The following TTLL5 variants were observed in gnomAD, a reference collection of about 807,000 sequenced individuals.
TTLL5 encodes tubulin polyglutamylase TTLL5.
TTLL5 carries 132 observed loss-of-function variants against 168.4 expected under a neutral mutation model. The observed-to-expected ratio is 0.78, with a 90% CI of 0.68 to 0.91. TTLL5 has a LOEUF of 0.91. TTLL5 is among the 40% of genes least tolerant of loss of function. The pLI, the probability that TTLL5 is intolerant of heterozygous loss-of-function variation, is 0.00. For missense variants in TTLL5, 1,545 were observed against 1,581.5 expected, an observed-to-expected ratio of 0.98 and a Z score of 0.39; for synonymous variants, 546 against 558.6, an observed-to-expected ratio of 0.98 and a Z score of 0.32.
At chr14:75,676,636 T>C (rs1361570587) in intron 3 of TTLL5, among the ~76,000 whole-genome samples, 2 of 152,216 alleles carry the variant, frequency 1.3e-5, no homozygotes, top group Admixed American at 6.5e-5. Flanking sequence ...TTAGGTGATA[T>C]GGATTAGAAG....
chr14:75,806,561 C>T (rs911708276), intron 27 of TTLL5, among the ~76,000 whole-genome samples: 2 of 152,204 alleles, frequency 1.3e-5, no homozygotes, highest in Non-Finnish European at 2.9e-5. Context: ...ATGCTATCTT[C>T]TCATGGAAAA....
At chr14:75,839,433 A>G (rs1051257216) in intron 28 of TTLL5, among the ~76,000 whole-genome samples, 1 of 152,142 alleles carries the variant, frequency 6.6e-6, no homozygotes, top group Non-Finnish European at 1.5e-5. Flanking sequence ...TGCTATGGAG[A>G]AGTACCCGAG....
At chr14:75,946,949 A>G (rs762966863) in intron 31 of TTLL5, among the ~76,000 whole-genome samples, 10 of 152,196 alleles carry the variant, frequency 6.6e-5, no homozygotes, top group Non-Finnish European at 1.5e-4. Flanking sequence ...TGATTGGGAA[A>G]TTCAAGTGGA....
At chr14:75,855,150 G>A (rs199787382) in intron 28 of TTLL5, among the ~76,000 whole-genome samples, 85 of 130,364 alleles carry the variant, frequency 6.5e-4, no homozygotes, top group Middle Eastern at 3.9e-3. Context: ...TATGCTAGAA[G>A]AAAAAAAAAA....
chr14:75,754,227 G>A (rs1452848402), intron 18 of TTLL5, among the ~76,000 whole-genome samples: 9 of 152,048 alleles, frequency 5.9e-5, no homozygotes, highest in Admixed American at 4.6e-4. Context: ...TTTTCGATTA[G>A]TTTTAGTATT....
At chr14:75,859,338 G>A (rs1313113502) in intron 28 of TTLL5, among the ~76,000 whole-genome samples, 1 of 152,306 alleles carries the variant, frequency 6.6e-6, no homozygotes, top group East Asian at 1.9e-4. Flanking sequence ...ATCCTGCAGT[G>A]CCACAGTACA....
intron 28 of TTLL5, among the ~76,000 whole-genome samples, chr14:75,853,852 T>G (rs1897000438): frequency 1.3e-5 from 2 of 152,268 alleles, no homozygotes; most frequent in Admixed American, 1.3e-4. Flanking sequence ...GAGACCAGCC[T>G]GACCAACACA....
chr14:75,708,323 A>G (rs1000501916), intron 9 of TTLL5, among the ~76,000 whole-genome samples: 1 of 151,144 alleles, frequency 6.6e-6, no homozygotes, highest in African/African-American at 2.4e-5. Context: ...GTTACTTTAC[A>G]GTGGTTGTAC....
At chr14:75,811,815 G>A (rs1894059131) in intron 27 of TTLL5, among the ~76,000 whole-genome samples, 1 of 152,126 alleles carries the variant, frequency 6.6e-6, no homozygotes, top group African/African-American at 2.4e-5. Flanking sequence ...TGGATGGTGG[G>A]TATCTTCTAA....
intron 31 of TTLL5, among the ~76,000 whole-genome samples, chr14:75,911,704 G>A (rs539404355): frequency 2.6e-5 from 4 of 152,254 alleles, no homozygotes; most frequent in African/African-American, 7.2e-5. Context: ...TTATGCCTAA[G>A]CTTCAAATTA....
At chr14:75,694,749 A>G (rs1486934596) in intron 6 of TTLL5, among the ~76,000 whole-genome samples, 1 of 152,226 alleles carries the variant, frequency 6.6e-6, no homozygotes, top group East Asian at 1.9e-4. Context: ...TAATACTTTT[A>G]TAATTTCTTA....
At position 75,937,678 on chromosome 14, in the gene TTLL5, C is replaced by T. The variant is rs370299304; in HGVS notation, c.3824-16746C>T. On this transcript the variant is annotated intron_variant, in intron 31 of 31. Transcript: ENST00000298832. Reference sequence around the variant, plus strand: ...GCATAGTGTTCTCCAGGTTCATCTGCGTTGTAACAAGCAGAATTCCCTTTT... The same window carrying T: ...GCATAGTGTTCTCCAGGTTCATCTGTGTTGTAACAAGCAGAATTCCCTTTT... 4.0e-4 allele frequency among the ~76,000 whole-genome samples: 61 copies of T among 152,254 alleles called. No homozygotes were observed. The South Asian group carries it at 0.01, about 25-fold the overall frequency.
chr14:75,922,592 G>T (rs1304584541), intron 31 of TTLL5, among the ~76,000 whole-genome samples: 1 of 152,200 alleles, frequency 6.6e-6, no homozygotes, highest in Non-Finnish European at 1.5e-5. Flanking sequence ...CTTGATCATG[G>T]TGGATAAGCT....
Position 75,699,171 on chromosome 14 carries a change from C to T in TTLL5, c.503-17C>T. ...TCTTTGTTTCCTCTGTTTTTTATCT[C>T]CCAATATTTTGAGCAGATTCATATT... On this transcript the variant is annotated splice_polypyrimidine_tract_variant and intron_variant, in intron 6 of 31. Transcript: ENST00000298832. 1 of 1,603,692 alleles carries T rather than the reference C, an allele frequency of 6.2e-7. No homozygotes were observed.
At chr14:75,822,912 G>A (rs1303078040) in intron 28 of TTLL5, among the ~76,000 whole-genome samples, 2 of 152,170 alleles carry the variant, frequency 1.3e-5, no homozygotes, top group Admixed American at 6.5e-5. Context: ...CTGAGGCCTG[G>A]CCATGTAGCT....
chr14:75,793,251 A>G (rs1222028266), intron 27 of TTLL5, 151 bp downstream of exon 27: 1 of 734,328 alleles, frequency 1.4e-6, no homozygotes, highest in Non-Finnish European at 1.9e-6. Flanking sequence ...TAAATTATCA[A>G]GTTTTTCCTC....
intron 31 of TTLL5, among the ~76,000 whole-genome samples, chr14:75,936,832 C>T (rs1440854747): frequency 6.6e-6 from 1 of 152,136 alleles, no homozygotes; most frequent in Non-Finnish European, 1.5e-5. Flanking sequence ...AAGTGGGGAG[C>T]AATTTCCCAA....
chr14:75,758,789 A>G (rs548483303), intron 18 of TTLL5, among the ~76,000 whole-genome samples: 2 of 152,326 alleles, frequency 1.3e-5, no homozygotes, highest in South Asian at 2.1e-4. Flanking sequence ...TAAATAATCC[A>G]TGGGTAAAAG....
chr14:75,893,337 G>A (rs2032494107), intron 30 of TTLL5, among the ~76,000 whole-genome samples: 1 of 152,120 alleles, frequency 6.6e-6, no homozygotes, highest in Non-Finnish European at 1.5e-5. Context: ...CAAGAAACCA[G>A]AACATTAAGC....
Sources: gnomAD v4.1 joint callset for allele counts (sites outside exome capture counted in the v4.1 genomes callset) on GRCh38, gnomAD v4.1.1 for gene constraint, MANE v1.5 for transcripts, NCBI Gene and HGNC (gene_info 2026-07-23, HGNC 2026-07-21) for gene names.